Variants in CTNND2 observed in about 807,000 individuals in gnomAD.
The protein encoded by CTNND2 is catenin delta 2.
CTNND2 carries 22 observed loss-of-function variants against 144.4 expected under a neutral mutation model. That is an observed-to-expected ratio of 0.15 (90% confidence interval 0.11 to 0.22). The LOEUF (loss-of-function observed/expected upper bound fraction) is 0.22. CTNND2 is among the 10% of genes least tolerant of loss of function. The pLI is 1.00. For synonymous variants in CTNND2, 751 were observed against 695.6 expected (o/e 1.08, Z -1.25); for missense variants, 1,353 against 1,618.8 (o/e 0.84, Z 2.82).
At chr5:11,648,663 C>T (rs1347774667) in intron 2 of CTNND2, among the ~76,000 whole-genome samples, 4 of 152,002 alleles carry the variant, frequency 2.6e-5, no homozygotes, top group Admixed American at 2.0e-4. Context: ...TCTTTATTCT[C>T]TCATGATCTA....
At chr5:11,421,479 G>A (rs578046029) in intron 3 of CTNND2, among the ~76,000 whole-genome samples, 3 of 152,266 alleles carry the variant, frequency 2.0e-5, no homozygotes, top group East Asian at 1.9e-4. Flanking sequence ...GAGGGGGACC[G>A]GCTTTGCTAG....
intron 9 of CTNND2, among the ~76,000 whole-genome samples, chr5:11,326,020 G>A (rs1034693109): frequency 9.9e-5 from 15 of 152,130 alleles, no homozygotes; most frequent in Non-Finnish European, 1.8e-4. Flanking sequence ...CTGCATATAT[G>A]TTAGCCTATT....
intron 3 of CTNND2, among the ~76,000 whole-genome samples, chr5:11,504,044 T>C (rs1770772881): frequency 6.6e-6 from 1 of 152,248 alleles, no homozygotes; most frequent in Non-Finnish European, 1.5e-5. Flanking sequence ...ATTATCAACG[T>C]ACAAAACATA....
intron 2 of CTNND2, among the ~76,000 whole-genome samples, chr5:11,615,551 T>C (rs1483182372): frequency 6.6e-6 from 1 of 152,158 alleles, no homozygotes; most frequent in East Asian, 1.9e-4. Context: ...ATTGAAGTAG[T>C]AGATCTTTGA....
At chr5:11,822,470 C>T (rs571277761) in intron 1 of CTNND2, among the ~76,000 whole-genome samples, 1 of 152,258 alleles carries the variant, frequency 6.6e-6, no homozygotes, top group African/African-American at 2.4e-5. Context: ...CAAATGAGTA[C>T]TTTATTGTGG....
chr5:11,489,101 C>T (rs373242313), intron 3 of CTNND2, among the ~76,000 whole-genome samples: 32 of 152,196 alleles, frequency 2.1e-4, no homozygotes, highest in African/African-American at 7.5e-4. Flanking sequence ...TCACAGGGTA[C>T]GTATATATTT....
chr5:11,123,884 C>T lies in CTNND2; in HGVS notation c.2160-6317G>A, dbSNP rs184015507. ...TATGTGATGTATAGACTCTGAACAA[C>T]ACTCCCCAGGCTCTTCCTAACAGGA... On this transcript the variant is annotated intron_variant, in intron 12 of 21. Transcript: ENST00000304623. Among the ~76,000 whole-genome samples the T allele has an allele frequency of 6.6e-5, 10 of 152,332 alleles. No homozygotes were observed. In the East Asian group the frequency reaches 1.7e-3, roughly 26 times the overall value.
intron 2 of CTNND2, among the ~76,000 whole-genome samples, chr5:11,714,660 A>G (rs562109332): frequency 6.6e-6 from 1 of 152,116 alleles, no homozygotes; most frequent in Non-Finnish European, 1.5e-5. Context: ...TAATCCCAGC[A>G]CTTTGGGAGG....
intron 2 of CTNND2, among the ~76,000 whole-genome samples, chr5:11,586,674 T>C (rs895907947): frequency 1.3e-5 from 2 of 152,196 alleles, no homozygotes; most frequent in Non-Finnish European, 2.9e-5. Context: ...TATTTAACAA[T>C]GAAAATTCTT....
At chr5:11,440,345 A>G (rs547358196) in intron 3 of CTNND2, among the ~76,000 whole-genome samples, 1 of 152,292 alleles carries the variant, frequency 6.6e-6, no homozygotes, top group Non-Finnish European at 1.5e-5. Flanking sequence ...CTCAAGTTCA[A>G]CGTGGACTTT....
At chr5:11,462,841 C>T (rs1766339972) in intron 3 of CTNND2, among the ~76,000 whole-genome samples, 1 of 151,978 alleles carries the variant, frequency 6.6e-6, no homozygotes, top group Non-Finnish European at 1.5e-5. Context: ...TAAACCACCA[C>T]CAAGAAAAGA....
At chr5:11,227,413 C>T (rs979387614) in intron 10 of CTNND2, among the ~76,000 whole-genome samples, 2 of 152,106 alleles carry the variant, frequency 1.3e-5, no homozygotes, top group African/African-American at 4.8e-5. Context: ...GCTCCAAAGC[C>T]GTTGCTATAA....
At chr5:11,365,028 G>C (rs1756832995) in intron 7 of CTNND2, 138 bp from the exon 8 acceptor site, 1 of 691,100 alleles carries the variant, frequency 1.4e-6, no homozygotes, top group Non-Finnish European at 2.4e-6. Context: ...TGAAATGGCA[G>C]CAATATGTCA....
At chr5:11,724,239 T>G (rs1442409221) in intron 2 of CTNND2, among the ~76,000 whole-genome samples, 2 of 152,064 alleles carry the variant, frequency 1.3e-5, no homozygotes, top group African/African-American at 4.8e-5. Flanking sequence ...ATCTTGGGTC[T>G]CCATAAAGAC....
At position 11,056,663 on chromosome 5, in the gene CTNND2, G is replaced by A. The variant is rs192700379; in HGVS notation, c.2788+26033C>T. 1.9e-3 allele frequency among the ~76,000 whole-genome samples: 293 copies of A among 152,212 alleles called. 1 individual carries two copies. Among genetic ancestry groups the A allele is most frequent in the Middle Eastern group, 3.4e-3 (1 of 294 alleles). On this transcript the variant is annotated intron_variant, in intron 16 of 21. Transcript: ENST00000304623. ...ATGGGCTCATTGCACAATCTTAATA[G>A]CACTTGACTTGAGTTTTGAAGGTCC...
At chr5:11,174,994 T>C (rs1455914474) in intron 11 of CTNND2, among the ~76,000 whole-genome samples, 1 of 152,234 alleles carries the variant, frequency 6.6e-6, no homozygotes, top group Non-Finnish European at 1.5e-5. Context: ...CATTTATCTA[T>C]TAACTAACCC....
intron 16 of CTNND2, among the ~76,000 whole-genome samples, chr5:11,049,428 T>C (rs925987266): frequency 7.9e-5 from 12 of 152,186 alleles, no homozygotes; most frequent in Admixed American, 2.0e-4. Flanking sequence ...AAACATGCAT[T>C]GGCACAGACA....
intron 1 of CTNND2, among the ~76,000 whole-genome samples, chr5:11,874,006 A>G (rs1002206060): frequency 7.2e-5 from 11 of 152,224 alleles, no homozygotes; most frequent in African/African-American, 2.4e-4. Context: ...CCCTCACAAC[A>G]CAGACATCCA....
intron 20 of CTNND2, among the ~76,000 whole-genome samples, chr5:10,983,676 C>G (rs1012900036): frequency 5.9e-5 from 9 of 152,172 alleles, no homozygotes; most frequent in African/African-American, 2.2e-4. Flanking sequence ...GCTACCAAAT[C>G]CTCCTCGAAG....
Sources: allele counts gnomAD v4.1 joint callset (sites outside exome capture counted in the v4.1 genomes callset), GRCh38; gene constraint gnomAD v4.1.1; transcripts MANE v1.5; gene names NCBI Gene and HGNC (gene_info 2026-07-23, HGNC 2026-07-21).